The following TBC1D30 variants were observed in gnomAD, a reference collection of about 807,000 sequenced individuals.
TBC1D30 encodes TBC1 domain family, member 30.
In TBC1D30, 31 loss-of-function variants were observed where a neutral mutation model predicts 63.2. That is an observed-to-expected ratio of 0.49 (90% CI 0.37 to 0.66). TBC1D30 has a LOEUF of 0.66. Among genes scored for constraint, TBC1D30 ranks in the 30% least tolerant of loss-of-function variants. The pLI is 0.00. For synonymous variants in TBC1D30, 307 were observed against 361.5 expected (o/e 0.85, Z 1.71); for missense variants, 810 against 953.6 (o/e 0.85, Z 1.98).
intron 9 of TBC1D30, 21 bp from the exon 10 acceptor site, chr12:64,866,743 T>C (rs1878248238): frequency 6.5e-7 from 1 of 1,531,412 alleles, no homozygotes. Flanking sequence ...TATTTCTTTT[T>C]TGTCTTTTAT....
chr12:64,766,527 A>G (rs906456351), intron 1 of TBC1D30, among the ~76,000 whole-genome samples: 9 of 152,210 alleles, frequency 5.9e-5, no homozygotes, highest in Admixed American at 5.2e-4. Flanking sequence ...TATGGACCTA[A>G]CAAAGTACCA....
intron 6 of TBC1D30, among the ~76,000 whole-genome samples, chr12:64,836,917 C>A (rs1362377851): frequency 6.6e-6 from 1 of 152,192 alleles, no homozygotes; most frequent in African/African-American, 2.4e-5. Context: ...ATGATGTACT[C>A]TGGATGGAAT....
chr12:64,841,878 T>A (rs1875905500), intron 7 of TBC1D30, among the ~76,000 whole-genome samples: 2 of 152,240 alleles, frequency 1.3e-5, no homozygotes, highest in South Asian at 4.1e-4. Flanking sequence ...TTTGTTCCAT[T>A]CATTTATTTA....
chr12:64,768,166 C>A (rs1015767886), intron 1 of TBC1D30, among the ~76,000 whole-genome samples: 1 of 151,974 alleles, frequency 6.6e-6, no homozygotes, highest in African/African-American at 2.4e-5. Context: ...ATTTAAGTTA[C>A]TAAAATATAA....
intron 2 of TBC1D30, among the ~76,000 whole-genome samples, chr12:64,806,789 C>T (rs1269954273): frequency 3.3e-5 from 5 of 152,128 alleles, no homozygotes; most frequent in Non-Finnish European, 5.9e-5. Flanking sequence ...TGTGCATCAG[C>T]GGATGAATGG....
chr12:64,792,210 C>T (rs1038082842), intron 2 of TBC1D30, among the ~76,000 whole-genome samples: 7 of 152,162 alleles, frequency 4.6e-5, no homozygotes, highest in East Asian at 1.9e-4. Context: ...TGGATATTCA[C>T]CTGTCAAGCT....
At chr12:64,760,154 A>C (rs182447585) in intron 1 of TBC1D30, among the ~76,000 whole-genome samples, 81 of 152,268 alleles carry the variant, frequency 5.3e-4, no homozygotes, top group African/African-American at 1.9e-3. Context: ...AGATCGAACA[A>C]AAATCTTGAA....
At chr12:64,870,904 T>C (rs1878605476) in intron 11 of TBC1D30, 96 bp downstream of exon 11, 1 of 1,186,238 alleles carries the variant, frequency 8.4e-7, no homozygotes, top group African/African-American at 1.5e-5. Context: ...TTACTAACTG[T>C]AGCTCAGTAT....
rs774145443 is a variant in TBC1D30 at position 64,807,918 on chromosome 12, G to GTTT, written c.644-19902_644-19900dup. Among the ~76,000 whole-genome samples the GTTT allele has an allele frequency of 2.0e-3, 187 of 93,494 alleles. 21 individuals carry two copies. The highest frequency in any genetic ancestry group is 9.4e-3 in the African/African-American group (170 of 18,116). The allele number at this position is 93,494 out of a possible 152,430, so 61.3% of individuals were successfully genotyped here. A position where few individuals can be genotyped will look rare whatever the true frequency, so the allele number is the denominator to read the frequency against. On this transcript the variant is annotated intron_variant, in intron 2 of 12. Transcript: ENST00000542120. ...GCCCATGCCACCCTGCCTAATTTAA[G>GTTT]TTTTTTTTTTTTTTTTTGTAGAGCT...
intron 8 of TBC1D30, among the ~76,000 whole-genome samples, chr12:64,853,873 C>T (rs1279252013): frequency 2.6e-5 from 4 of 152,192 alleles, no homozygotes; most frequent in African/African-American, 9.7e-5. Context: ...GTTGGAAATG[C>T]AGAAATCACC....
intron 1 of TBC1D30, among the ~76,000 whole-genome samples, chr12:64,783,507 T>A (rs1163289762): frequency 6.6e-6 from 1 of 152,192 alleles, no homozygotes; most frequent in Non-Finnish European, 1.5e-5. Flanking sequence ...GGTTGTGAGT[T>A]GACAATGTCC....
At chr12:64,813,925 T>C (rs1357270852) in intron 2 of TBC1D30, among the ~76,000 whole-genome samples, 1 of 152,182 alleles carries the variant, frequency 6.6e-6, no homozygotes, top group Non-Finnish European at 1.5e-5. Context: ...TGAGTACGAC[T>C]TAGTTCCTGT....
rs1444195917 is a variant in TBC1D30 at position 64,825,247 on chromosome 12, C to T, written c.154+214C>T. The T allele has an allele frequency of 7.6e-6, 4 of 525,734 alleles. No homozygotes were observed. In the East Asian group the frequency reaches 1.1e-4, roughly 14 times the overall value. 32.6% of individuals were successfully genotyped at this position (525,734 alleles called of 1,614,324 possible). On this transcript the variant is annotated intron_variant, in intron 1 of 11. Coordinates refer to ENST00000539867, the MANE Select transcript of TBC1D30 (RefSeq NM_015279.2). ...TGGGTGGGGCAGCGGCCACCCCAGG[C>T]GCGGAGAACCCGCTGCTTCCACCCT... is the stretch of plus-strand genomic sequence containing the variant.
intron 10 of TBC1D30, among the ~76,000 whole-genome samples, chr12:64,869,167 G>A (rs1878455709): frequency 6.6e-6 from 1 of 152,180 alleles, no homozygotes. Context: ...TATGCTGAAA[G>A]AGGACAGAAA....
rs561453855 is a variant in TBC1D30 at position 64,785,148 on chromosome 12, T to A, written c.479-733T>A. Among the ~76,000 whole-genome samples the A allele has an allele frequency of 2.7e-3, 8 of 2,982 alleles. No homozygotes were observed. In the East Asian group the frequency reaches 0.16, roughly 60 times the overall value. The allele number at this position is 2,982 out of a possible 152,430, so 2.0% of individuals were successfully genotyped here. ...AAACATAGATGAGTACTTTAAAGACTTTTTTTTTTTTTTTTTCTTTGAGAC... is the reference window on the plus strand; with the variant it reads ...AAACATAGATGAGTACTTTAAAGACATTTTTTTTTTTTTTTTCTTTGAGAC... On this transcript the variant is annotated intron_variant, in intron 1 of 12. Coordinates refer to the TBC1D30 transcript ENST00000542120.
intron 2 of TBC1D30, among the ~76,000 whole-genome samples, chr12:64,817,840 G>A (rs1192005543): frequency 6.6e-6 from 1 of 151,990 alleles, no homozygotes; most frequent in South Asian, 2.1e-4. Flanking sequence ...AGGCAGGCGC[G>A]TCATTTGAGG....
At chr12:64,777,886 A>C (rs1486029185), upstream of TBC1D30, among the ~76,000 whole-genome samples, 1 of 152,192 alleles carries the variant, frequency 6.6e-6, no homozygotes, top group East Asian at 1.9e-4. Flanking sequence ...CATCCTTTCA[A>C]GTTGCTGGGA....
chr12:64,870,764 A>C lies in TBC1D30; in HGVS notation c.1454A>C (p.Lys485Thr). Residue 485 changes from lysine to threonine, a missense_variant, in exon 11 of 12, where the codon AAA becomes ACA. Physicochemically the swap from Lys to Thr is moderately conservative, Grantham distance 78. Coordinates refer to ENST00000539867, the MANE Select transcript of TBC1D30 (RefSeq NM_015279.2). ...CTGAAGCGGCAGTACTCTCGAATTA[A>C]AAAGAAGCAACAGCAGCAGGTTCAT... ...NALKRQYSRI[K>T]KKQQQQVHQV... 1 of 1,536,086 alleles carries C rather than the reference A, an allele frequency of 6.5e-7. No individual in the cohort carries two copies. Among genetic ancestry groups the C allele is most frequent in the Non-Finnish European group, 8.7e-7 (1 of 1,146,884 alleles).
At chr12:64,772,526 T>C (rs1308918418) in intron 1 of TBC1D30, among the ~76,000 whole-genome samples, 1 of 151,874 alleles carries the variant, frequency 6.6e-6, no homozygotes, top group Non-Finnish European at 1.5e-5. Flanking sequence ...GCCTCCCCGG[T>C]TCAAGCAATT....
Sources: gnomAD v4.1 joint callset for allele counts (sites outside exome capture counted in the v4.1 genomes callset) on GRCh38, gnomAD v4.1.1 for gene constraint, MANE v1.5 for transcripts, NCBI Gene and HGNC (gene_info 2026-07-23, HGNC 2026-07-21) for gene names.